XPO6: variants seen among roughly 807,000 people sequenced by gnomAD.
XPO6 encodes the protein exportin 6.
A neutral mutation model predicts 130.0 loss-of-function variants in XPO6; 3 were observed. The observed-to-expected ratio is 0.02, with a 90% CI of 0.01 to 0.06. The LOEUF (loss-of-function observed/expected upper bound fraction) is 0.06. XPO6 is among the 10% of genes least tolerant of loss of function. The pLI, the probability that XPO6 is intolerant of heterozygous loss-of-function variation, is 1.00. For missense variants in XPO6, 970 were observed against 1,393.0 expected, an observed-to-expected ratio of 0.70 and a Z score of 4.83; for synonymous variants, 524 against 548.9, an observed-to-expected ratio of 0.95 and a Z score of 0.63.
At chr16:28,198,886 G>T (rs998360298) in intron 1 of XPO6, among the ~76,000 whole-genome samples, 1 of 151,660 alleles carries the variant, frequency 6.6e-6, no homozygotes, top group South Asian at 2.1e-4. Flanking sequence ...GCTCACACAT[G>T]TAATCCCAGC....
intron 1 of XPO6, among the ~76,000 whole-genome samples, chr16:28,205,657 C>T (rs1029757168): frequency 1.3e-5 from 2 of 152,134 alleles, no homozygotes; most frequent in African/African-American, 4.8e-5. Flanking sequence ...GGAAGTGTAA[C>T]GGTTATGAGC....
At chr16:28,139,072 T>C (rs80204786) in intron 9 of XPO6, among the ~76,000 whole-genome samples, 2,516 of 152,318 alleles carry the variant, frequency 0.017, 79 homozygotes, top group African/African-American at 0.058. Flanking sequence ...CATTCATATA[T>C]TGAAGCCTAA....
intron 18 of XPO6, 25 bp downstream of exon 18, chr16:28,107,497 G>A: frequency 6.2e-7 from 1 of 1,613,430 alleles, no homozygotes; most frequent in Non-Finnish European, 8.5e-7. Context: ...CCACCCACCA[G>A]TGGGGCCTCT....
chr16:28,146,704 C>T (rs1476985836), intron 8 of XPO6, among the ~76,000 whole-genome samples: 5 of 152,208 alleles, frequency 3.3e-5, no homozygotes, highest in African/African-American at 9.7e-5. Context: ...GAAAGTAACA[C>T]TTGCAGTCTT....
At chr16:28,158,087 G>A (rs550027129) in intron 6 of XPO6, among the ~76,000 whole-genome samples, 4 of 152,264 alleles carry the variant, frequency 2.6e-5, no homozygotes, top group African/African-American at 9.6e-5. Flanking sequence ...ACCTTAAAAA[G>A]ATACAGTTAA....
At chr16:28,173,786 A>C (rs1192041424) in intron 4 of XPO6, among the ~76,000 whole-genome samples, 2 of 152,180 alleles carry the variant, frequency 1.3e-5, no homozygotes, top group Non-Finnish European at 2.9e-5. Context: ...AACCTCCAGA[A>C]GCCCTTCACC....
At chr16:28,185,924 A>C (rs2043684720) in intron 1 of XPO6, among the ~76,000 whole-genome samples, 1 of 152,212 alleles carries the variant, frequency 6.6e-6, no homozygotes, top group East Asian at 1.9e-4. Flanking sequence ...TTCCAGAAAC[A>C]GTTAAAACTG....
chr16:28,159,679 C>T (rs570832752), intron 6 of XPO6, among the ~76,000 whole-genome samples: 1 of 152,288 alleles, frequency 6.6e-6, no homozygotes, highest in Non-Finnish European at 1.5e-5. Context: ...GCTAACTTTC[C>T]CATCTTTCAC....
chr16:28,192,332 A>G (rs1254236750), intron 1 of XPO6, among the ~76,000 whole-genome samples: 1 of 151,934 alleles, frequency 6.6e-6, no homozygotes, highest in Non-Finnish European at 1.5e-5. Flanking sequence ...CCACATTACT[A>G]CTGGGAACTG....
At chr16:28,197,761 A>AC (rs1271880990) in intron 1 of XPO6, among the ~76,000 whole-genome samples, 1 of 150,444 alleles carries the variant, frequency 6.6e-6, no homozygotes, top group Non-Finnish European at 1.5e-5. Flanking sequence ...CTAAAAATAC[A>AC]AAAAAAAATT....
chr16:28,123,037 ATAAC>A (rs772993964), intron 13 of XPO6, among the ~76,000 whole-genome samples: 1 of 152,116 alleles, frequency 6.6e-6, no homozygotes, highest in East Asian at 1.9e-4. Flanking sequence ...ATTAAACACA[ATAAC>A]TAATAGCTCT....
intron 17 of XPO6, among the ~76,000 whole-genome samples, chr16:28,108,566 G>A (rs1166606724): frequency 3.9e-5 from 6 of 152,188 alleles, no homozygotes; most frequent in Non-Finnish European, 7.3e-5. Context: ...TGTTCCCAGC[G>A]CGAGTGGAGT....
At chr16:28,112,093 G>C in intron 16 of XPO6, 87 bp from the exon 17 acceptor site, 1 of 1,440,672 alleles carries the variant, frequency 6.9e-7, no homozygotes, top group South Asian at 1.3e-5. Context: ...GCACCCGCTG[G>C]CTGCACACCT....
chr16:28,211,463 G>A lies in XPO6; in HGVS notation c.-95C>T. 7.8e-7 allele frequency: 1 copy of A among 1,275,962 alleles called. No individual in the cohort carries two copies. The highest frequency in any genetic ancestry group is 1.0e-6 in the Non-Finnish European group (1 of 997,196). 79.0% of individuals were successfully genotyped at this position (1,275,962 alleles called of 1,614,324 possible). Reference sequence around the variant, plus strand: ...CAGGTCATGGTCCCGGCAGACTCGGGAAGTCCCCCACCCATGCAAAGACAA... The same window carrying A: ...CAGGTCATGGTCCCGGCAGACTCGGAAAGTCCCCCACCCATGCAAAGACAA... On this transcript the variant is annotated 5_prime_UTR_variant, in exon 1 of 24. Coordinates refer to ENST00000304658, the MANE Select transcript of XPO6 (RefSeq NM_015171.4).
chr16:28,118,837 A>T (rs2087143611), intron 14 of XPO6, among the ~76,000 whole-genome samples: 2 of 152,092 alleles, frequency 1.3e-5, no homozygotes, highest in Admixed American at 1.3e-4. Flanking sequence ...TTACTTGCTG[A>T]CTTGGCAAGA....
At chr16:28,168,709 C>T (rs2043398565) in intron 5 of XPO6, among the ~76,000 whole-genome samples, 1 of 150,984 alleles carries the variant, frequency 6.6e-6, no homozygotes, top group Non-Finnish European at 1.5e-5. Flanking sequence ...TCAAGCAATT[C>T]TCCTTCTTTA....
chr16:28,187,131 T>C (rs1267112022), intron 1 of XPO6, among the ~76,000 whole-genome samples: 1 of 152,138 alleles, frequency 6.6e-6, no homozygotes, highest in East Asian at 1.9e-4. Flanking sequence ...CAAGGAAGTT[T>C]ACTAGGAGGA....
intron 4 of XPO6, among the ~76,000 whole-genome samples, chr16:28,171,708 C>T (rs2043452857): frequency 6.6e-6 from 1 of 152,180 alleles, no homozygotes; most frequent in African/African-American, 2.4e-5. Flanking sequence ...ATATTCTCCA[C>T]AATTTTTATC....
Position 28,156,537 on chromosome 16 carries a change from A to G in XPO6, c.644-10T>C, listed in dbSNP as rs772804942. ...TTACTCAGTAAGTCACCTGAAAATA[A>G]GAAAGGCTTTTAAGCTATCCAGCAT... is the stretch of plus-strand genomic sequence containing the variant. On this transcript the variant is annotated splice_polypyrimidine_tract_variant and intron_variant, in intron 6 of 23. Transcript: ENST00000304658. The G allele has an allele frequency of 4.6e-6, 7 of 1,529,010 alleles. No individual in the cohort carries two copies. Among genetic ancestry groups the G allele is most frequent in the Admixed American group, 2.1e-5 (1 of 46,628 alleles). The allele number at this position is 1,529,010 out of a possible 1,614,324, so 94.7% of individuals were successfully genotyped here. A position where few individuals can be genotyped will look rare whatever the true frequency, so the allele number is the denominator to read the frequency against.
Sources: gnomAD v4.1 joint callset for allele counts (sites outside exome capture counted in the v4.1 genomes callset) on GRCh38, gnomAD v4.1.1 for gene constraint, MANE v1.5 for transcripts, NCBI Gene and HGNC (gene_info 2026-07-23, HGNC 2026-07-21) for gene names.